Variants in GFM2 observed in about 807,000 individuals in gnomAD.
GFM2 encodes the protein ribosome-releasing factor 2, mitochondrial.
A neutral mutation model predicts 95.4 loss-of-function variants in GFM2; 72 were observed. That is an observed-to-expected ratio of 0.76 (90% CI 0.62 to 0.92). GFM2 has a LOEUF of 0.92. Ranked by LOEUF, GFM2 falls within the 40% of genes least tolerant of loss-of-function variation. The probability of loss-of-function intolerance (pLI) is 0.00; values close to 1 mark genes in which losing one functional copy is unlikely to be tolerated. For synonymous variants in GFM2, 276 were observed against 317.5 expected, an observed-to-expected ratio of 0.87 and a Z score of 1.39; for missense variants, 825 against 924.1, an observed-to-expected ratio of 0.89 and a Z score of 1.39.
chr5:74,722,207 A>G, intron 20 of GFM2, 172 bp downstream of exon 20: 1 of 625,358 alleles, frequency 1.6e-6, no homozygotes, highest in Non-Finnish European at 2.7e-6. Flanking sequence ...GGATTTCGCC[A>G]ACAATTTAAA....
At chr5:74,743,679 T>C (rs1743224322) in intron 10 of GFM2, among the ~76,000 whole-genome samples, 1 of 152,108 alleles carries the variant, frequency 6.6e-6, no homozygotes, top group Non-Finnish European at 1.5e-5. Flanking sequence ...ACAAACAAAC[T>C]CAAAGAGGAA....
Position 74,722,464 on chromosome 5 carries a change from G to A in GFM2, c.2126C>T (p.Ala709Val). 1.9e-6 allele frequency: 3 copies of A among 1,613,866 alleles called. No homozygotes were observed. The highest frequency in any genetic ancestry group is 1.7e-6 in the Non-Finnish European group (2 of 1,179,850). The change falls in exon 20 of 21, where the codon GCA (alanine) becomes GTA (valine). Residue 709 changes from alanine (A) to valine (V), a missense_variant. By Grantham distance (64) the Ala-to-Val change is moderately conservative. Transcript: ENST00000296805. Reference protein sequence around the residue: ...DYLSPVLADLAQRRGNIQEIQ... With the variant: ...DYLSPVLADLVQRRGNIQEIQ... ...TTCCTGAATGTTTCCTCTTCTTTGT[G>A]CCAGATCTGCCAGGACAGGGCTGAG...
chr5:74,761,790 C>A (rs1415416681), intron 2 of GFM2, among the ~76,000 whole-genome samples: 1 of 152,136 alleles, frequency 6.6e-6, no homozygotes, highest in Non-Finnish European at 1.5e-5. Context: ...TATGCCCAGA[C>A]CACTAGATAT....
chr5:74,752,987 A>T (rs1442063816), intron 5 of GFM2, among the ~76,000 whole-genome samples: 1 of 152,174 alleles, frequency 6.6e-6, no homozygotes, highest in Non-Finnish European at 1.5e-5. Context: ...CTGGTAACAT[A>T]ACAAAACAAG....
Position 74,725,731 on chromosome 5 carries a change from T to G in GFM2, c.1937A>C (p.Gln646Pro). Residue 646 changes from glutamine (Q) to proline (P), a missense_variant, in exon 19 of 21, where the codon CAG (glutamine) becomes CCG (proline). Physicochemically the swap from Gln to Pro is moderately conservative, Grantham distance 76 (BLOSUM62 -1). Transcript: ENST00000296805. ...LQGPLLGSPI[Q>P]DVAITLHSLT... is the part of the protein sequence containing the mutation. The stretch of plus-strand genomic sequence containing the variant: ...GGAATGTAAAGTAATTGCTACATCC[T>G]GAATTGGGGATCCAAGCAATGGTCC... The G allele has an allele frequency of 1.9e-6, 3 of 1,613,342 alleles. No individual in the cohort carries two copies. The highest frequency in any genetic ancestry group is 2.5e-6 in the Non-Finnish European group (3 of 1,179,458).
At chr5:74,762,977 C>A (rs1014164114) in intron 2 of GFM2, among the ~76,000 whole-genome samples, 50 of 152,276 alleles carry the variant, frequency 3.3e-4, no homozygotes, top group African/African-American at 1.1e-3. Flanking sequence ...CTATTGTACT[C>A]CCTGTTAAGT....
intron 4 of GFM2, 52 bp downstream of exon 4, chr5:74,759,317 G>T: frequency 9.4e-7 from 1 of 1,066,730 alleles, no homozygotes; most frequent in Non-Finnish European, 1.4e-6. Flanking sequence ...GAAAAAACCT[G>T]TAAATTTTCG....
intron 2 of GFM2, among the ~76,000 whole-genome samples, 157 bp from the exon 3 acceptor site, chr5:74,761,143 T>C (rs1744263674): frequency 6.6e-6 from 1 of 152,168 alleles, no homozygotes; most frequent in South Asian, 2.1e-4. Flanking sequence ...AAAGTGACAA[T>C]CCAAATATAT....
Position 74,758,894 on chromosome 5 carries a change from T to C in GFM2, c.259A>G (p.Thr87Ala), listed in dbSNP as rs761509914. 3.7e-6 allele frequency: 6 copies of C among 1,610,510 alleles called. No homozygotes were observed. Among genetic ancestry groups the C allele is most frequent in the African/African-American group, 1.3e-5 (1 of 74,828 alleles). The stretch of plus-strand genomic sequence containing the variant: ...CCGGAATAGTACAATATTCTTTCTG[T>C]GGTGGTAGTTTTGCCTGCATCAATA... Reference protein sequence around the residue: ...AHIDAGKTTTTERILYYSGYT... With the variant: ...AHIDAGKTTTAERILYYSGYT... The change falls in exon 5 of 21, where the codon ACA (threonine) becomes GCA (alanine). Residue 87 changes from threonine (T) to alanine (A), a missense_variant. By Grantham distance (58) the Thr-to-Ala change is moderately conservative. Coordinates refer to ENST00000296805, the MANE Select transcript of GFM2 (RefSeq NM_032380.5).
At chr5:74,751,582 C>T (rs1743716978) in intron 5 of GFM2, 89 bp from the exon 6 acceptor site, 1 of 883,536 alleles carries the variant, frequency 1.1e-6, no homozygotes, top group African/African-American at 1.7e-5. Flanking sequence ...TTTAACCTGC[C>T]TTAAGAAAAA....
chr5:74,757,727 T>A (rs1744064048), intron 5 of GFM2, among the ~76,000 whole-genome samples: 1 of 76,974 alleles, frequency 1.3e-5, no homozygotes, highest in Admixed American at 1.6e-4. Flanking sequence ...AGAGCCTATG[T>A]CTCTAAAAAA....
chr5:74,761,968 T>A (rs1744304905), intron 2 of GFM2, among the ~76,000 whole-genome samples: 1 of 152,132 alleles, frequency 6.6e-6, no homozygotes, highest in Non-Finnish European at 1.5e-5. Context: ...AGAAAATAAT[T>A]CCACTGCATA....
In GFM2 at chr5:74,747,214, C is replaced by G. The variant is rs529989587; in HGVS notation, c.608+478G>C. On this transcript the variant is annotated intron_variant, in intron 8 of 20. Transcript: ENST00000296805. ...CTCTCTTCTGCCCCTACATGCAGGT[C>G]TTACAGCATCTACATTCTCTTCTTC... Among the ~76,000 whole-genome samples, 5 of 152,290 alleles carry G rather than the reference C, an allele frequency of 3.3e-5. No individual in the cohort carries two copies. In the East Asian group the frequency reaches 7.7e-4, roughly 23 times the overall value.
At chr5:74,733,255 C>A (rs773236387) in intron 15 of GFM2, 157 bp from the exon 16 acceptor site, 1 of 560,656 alleles carries the variant, frequency 1.8e-6, no homozygotes, top group Non-Finnish European at 3.2e-6. Flanking sequence ...CTTTGGGAAG[C>A]CAAGACAGAA....
chr5:74,765,146 G>C, intron 1 of GFM2: 1 of 1,154,708 alleles, frequency 8.7e-7, no homozygotes, highest in Non-Finnish European at 1.1e-6. Flanking sequence ...TCTCTCCACA[G>C]TTGTGACTGT....
intron 10 of GFM2, among the ~76,000 whole-genome samples, chr5:74,742,222 A>G (rs1482685165): frequency 2.6e-5 from 4 of 152,012 alleles, no homozygotes; most frequent in Non-Finnish European, 4.4e-5. Context: ...TCAAAAGCAT[A>G]TAACAGTACA....
intron 7 of GFM2, among the ~76,000 whole-genome samples, chr5:74,749,644 CA>C (rs1473613463): frequency 6.6e-6 from 1 of 152,060 alleles, no homozygotes; most frequent in Admixed American, 6.6e-5. Context: ...ATTTATTTCC[CA>C]AGAACAATCA....
At chr5:74,761,201 A>G (rs1056734975) in intron 2 of GFM2, among the ~76,000 whole-genome samples, 2 of 152,208 alleles carry the variant, frequency 1.3e-5, no homozygotes, top group Non-Finnish European at 2.9e-5. Context: ...TGCTATTTTG[A>G]GCTGACCTTA....
chr5:74,723,151 C>T (rs1337366684), intron 19 of GFM2, among the ~76,000 whole-genome samples: 1 of 152,130 alleles, frequency 6.6e-6, no homozygotes, highest in African/African-American at 2.4e-5. Flanking sequence ...CTAACTAGGG[C>T]ATACCATGCT....
Sources: gnomAD v4.1 joint callset for allele counts (sites outside exome capture counted in the v4.1 genomes callset) on GRCh38, gnomAD v4.1.1 for gene constraint, MANE v1.5 for transcripts, NCBI Gene and HGNC (gene_info 2026-07-23, HGNC 2026-07-21) for gene names.